Variants in FANCC observed in about 807,000 individuals in gnomAD.
FANCC encodes the protein FA complementation group C.
Under a neutral mutation model 71.3 loss-of-function variants are expected in FANCC, and 55 were observed. The ratio of observed to expected loss-of-function variants is 0.77; its 90% CI spans 0.62 to 0.97. The LOEUF (loss-of-function observed/expected upper bound fraction) is 0.97, where lower values mean the gene tolerates loss of function less well. FANCC is among the 50% of genes least tolerant of loss of function. FANCC has a pLI of 0.00. For missense variants in FANCC, 678 were observed against 670.9 expected (o/e 1.01, Z -0.12); for synonymous variants, 275 against 244.9 (o/e 1.12, Z -1.15).
At chr9:95,249,993 A>G (rs1831230528) in intron 1 of FANCC, among the ~76,000 whole-genome samples, 1 of 152,228 alleles carries the variant, frequency 6.6e-6, no homozygotes, top group South Asian at 2.1e-4. Context: ...ACCATATTTT[A>G]GTAAAATAAT....
At chr9:95,170,567 T>C (rs868593077) in intron 6 of FANCC, among the ~76,000 whole-genome samples, 45 of 152,080 alleles carry the variant, frequency 3.0e-4, no homozygotes, top group African/African-American at 1.1e-3. Flanking sequence ...ATTTGTTTAG[T>C]CTAGATTTTG....
At chr9:95,194,606 G>T (rs1827302600) in intron 4 of FANCC, among the ~76,000 whole-genome samples, 1 of 152,026 alleles carries the variant, frequency 6.6e-6, no homozygotes, top group Non-Finnish European at 1.5e-5. Context: ...CTAATGATGT[G>T]AAATATCTTG....
chr9:95,161,842 C>CTTTTTTTTTT (rs71366277), intron 6 of FANCC, among the ~76,000 whole-genome samples: 1 of 110,766 alleles, frequency 9.0e-6, no homozygotes, highest in Non-Finnish European at 2.0e-5. Context: ...CTTTTCTTTT[C>CTTTTTTTTTT]TTTTTTTTTT....
chr9:95,217,623 C>T (rs1290250920), intron 4 of FANCC, among the ~76,000 whole-genome samples: 1 of 151,812 alleles, frequency 6.6e-6, no homozygotes, highest in Non-Finnish European at 1.5e-5. Context: ...CATAAAGCAG[C>T]GACTGAGGGA....
At chr9:95,250,002 A>G (rs1197459851) in intron 1 of FANCC, among the ~76,000 whole-genome samples, 3 of 152,232 alleles carry the variant, frequency 2.0e-5, no homozygotes, top group African/African-American at 4.8e-5. Flanking sequence ...TAGTAAAATA[A>G]TAATAAATTC....
intron 8 of FANCC, among the ~76,000 whole-genome samples, chr9:95,134,215 G>A (rs1377767148): frequency 6.6e-6 from 1 of 152,184 alleles, no homozygotes; most frequent in Non-Finnish European, 1.5e-5. Flanking sequence ...CGCGGAGGAA[G>A]GCAACTGATT....
intron 1 of FANCC, among the ~76,000 whole-genome samples, chr9:95,268,011 C>T (rs1406311030): frequency 2.6e-5 from 4 of 152,328 alleles, no homozygotes; most frequent in East Asian, 3.9e-4. Context: ...TGGCCTCACT[C>T]GGACCTGGCT....
intron 6 of FANCC, among the ~76,000 whole-genome samples, chr9:95,168,940 C>T (rs1825485355): frequency 6.6e-6 from 1 of 152,172 alleles, no homozygotes; most frequent in Non-Finnish European, 1.5e-5. Flanking sequence ...TATACACTAC[C>T]TGCTCGTTAG....
At chr9:95,117,006 T>C (rs2072472818) in intron 11 of FANCC, among the ~76,000 whole-genome samples, 2 of 152,378 alleles carry the variant, frequency 1.3e-5, no homozygotes, top group South Asian at 4.1e-4. Flanking sequence ...AGCCTGTTCC[T>C]GGCATCTGGT....
chr9:95,268,822 G>T (rs1036535530), intron 1 of FANCC, among the ~76,000 whole-genome samples: 1 of 152,114 alleles, frequency 6.6e-6, no homozygotes, highest in Non-Finnish European at 1.5e-5. Context: ...CACCAGACCA[G>T]CCATGTGATG....
chr9:95,185,873 C>A (rs1205085874), intron 4 of FANCC, among the ~76,000 whole-genome samples: 1 of 152,170 alleles, frequency 6.6e-6, no homozygotes, highest in Non-Finnish European at 1.5e-5. Context: ...GACAATTTTG[C>A]CTCTTTCATA....
At chr9:95,151,754 C>A (rs1830180423) in intron 6 of FANCC, among the ~76,000 whole-genome samples, 1 of 151,858 alleles carries the variant, frequency 6.6e-6, no homozygotes, top group Non-Finnish European at 1.5e-5. Flanking sequence ...ATGGAGAAAC[C>A]CCAACTCTAC....
At chr9:95,197,025 G>A (rs1827498987) in intron 4 of FANCC, among the ~76,000 whole-genome samples, 1 of 152,162 alleles carries the variant, frequency 6.6e-6, no homozygotes, top group South Asian at 2.1e-4. Flanking sequence ...TTTAGTCTGA[G>A]TTTTCTCATC....
At chr9:95,147,349 T>C (rs1027517504) in intron 7 of FANCC, among the ~76,000 whole-genome samples, 11 of 152,082 alleles carry the variant, frequency 7.2e-5, no homozygotes, top group Non-Finnish European at 1.6e-4. Context: ...AAACCCTGTC[T>C]CTACTAAAAA....
chr9:95,186,198 A>G (rs1178962793), intron 4 of FANCC, among the ~76,000 whole-genome samples: 1 of 152,212 alleles, frequency 6.6e-6, no homozygotes, highest in Admixed American at 6.5e-5. Flanking sequence ...TGGTGTTGAT[A>G]AACTACATAT....
At chr9:95,200,645 TG>T (rs1291108597) in intron 4 of FANCC, among the ~76,000 whole-genome samples, 2 of 152,330 alleles carry the variant, frequency 1.3e-5, no homozygotes, top group African/African-American at 4.8e-5. Context: ...ATATCTGCCC[TG>T]GGGTATCATG....
Position 95,172,060 on chromosome 9 carries a change from A to G in FANCC, c.433T>C (p.Tyr145His), listed in dbSNP as rs751054264. 1 of 1,610,000 alleles carries G rather than the reference A, an allele frequency of 6.2e-7. No homozygotes were observed. Among genetic ancestry groups the G allele is most frequent in the Non-Finnish European group, 8.5e-7 (1 of 1,176,330 alleles). Residue 145 changes from tyrosine (Y) to histidine (H), a missense_variant, in exon 5 of 15, where the codon TAC (tyrosine) becomes CAC (histidine). By Grantham distance (83) the Tyr-to-His change is moderately conservative. Transcript: ENST00000289081. ...ACATTTTTAAGCAAACCAGGATAGTAATCTATAGGTGCATACCCAAGACCT... is the reference window on the plus strand; with the variant it reads ...ACATTTTTAAGCAAACCAGGATAGTGATCTATAGGTGCATACCCAAGACCT... ...TQGLGYAPID[Y>H]YPGLLKNMVL...
intron 1 of FANCC, among the ~76,000 whole-genome samples, chr9:95,271,803 A>G (rs1462444653): frequency 1.3e-5 from 2 of 151,886 alleles, no homozygotes; most frequent in South Asian, 2.1e-4. Context: ...CAAAATCCCC[A>G]ATGAAAAATA....
At chr9:95,105,240 T>C (rs560916029) in intron 14 of FANCC, among the ~76,000 whole-genome samples, 28 of 152,310 alleles carry the variant, frequency 1.8e-4, no homozygotes. Flanking sequence ...GCCCTGGTTC[T>C]TGGCAGGTGG....
Sources: allele counts gnomAD v4.1 joint callset (sites outside exome capture counted in the v4.1 genomes callset), GRCh38; gene constraint gnomAD v4.1.1; transcripts MANE v1.5; gene names NCBI Gene and HGNC (gene_info 2026-07-23, HGNC 2026-07-21).